MDM4: variants seen among roughly 807,000 people sequenced by gnomAD.
The protein encoded by MDM4 is MDM4 regulator of p53.
A neutral mutation model predicts 60.2 loss-of-function variants in MDM4; 2 were observed. The observed-to-expected ratio is 0.03, with a 90% CI of 0.01 to 0.10. The LOEUF is 0.10. MDM4 is among the 10% of genes least tolerant of loss of function. The probability of loss-of-function intolerance (pLI) is 1.00; values close to 1 mark genes in which losing one functional copy is unlikely to be tolerated. For missense variants in MDM4, 447 were observed against 577.5 expected (o/e 0.77, Z 2.32); for synonymous variants, 202 against 198.1 (o/e 1.02, Z -0.17).
intron 7 of MDM4, among the ~76,000 whole-genome samples, chr1:204,539,215 G>A (rs1661761095): frequency 6.6e-6 from 1 of 152,008 alleles, no homozygotes; most frequent in South Asian, 2.1e-4. Flanking sequence ...CGAACTACTG[G>A]CCTCAAATGG....
In MDM4 at chr1:204,553,532, C is replaced by G. The variant is rs544492945; in HGVS notation, c.*3850C>G. ...TGATATCTTGATTGTGAGGAAGGAT[C>G]TGTGTCATTGGAGCTTGTTTCTGCT... On this transcript the variant is annotated 3_prime_UTR_variant, in exon 11 of 11. Transcript: ENST00000367182. The G allele has an allele frequency of 5.3e-5, 12 of 227,104 alleles. No individual in the cohort carries two copies. The highest frequency in any genetic ancestry group is 1.8e-4 in the South Asian group (1 of 5,478). 14.1% of individuals were successfully genotyped at this position (227,104 alleles called of 1,614,324 possible). A position where few individuals can be genotyped will look rare whatever the true frequency, so the allele number is the denominator to read the frequency against.
intron 3 of MDM4, among the ~76,000 whole-genome samples, chr1:204,530,031 C>T (rs1043881267): frequency 1.3e-5 from 2 of 152,104 alleles, no homozygotes; most frequent in Non-Finnish European, 2.9e-5. Flanking sequence ...CGTGCCTCAC[C>T]ACACCTGGCT....
rs1229133778 is a variant in MDM4, at chr1:204,555,158, C to CT, written c.*5491dup. On this transcript the variant is annotated 3_prime_UTR_variant, in exon 11 of 11. Coordinates refer to ENST00000367182, the MANE Select transcript of MDM4 (RefSeq NM_002393.5). ...GGACAGTTAGTAGAACTCTCCATTTCTTTTTTTTTTTTTTTAGACGGAGTC... is the reference window on the plus strand; with the variant it reads ...GGACAGTTAGTAGAACTCTCCATTTCTTTTTTTTTTTTTTTTAGACGGAGTC... 2,107 of 167,792 alleles carry CT rather than the reference C, an allele frequency of 0.013. No homozygotes were observed. Among genetic ancestry groups the CT allele is most frequent in the East Asian group, 0.034 (353 of 10,248 alleles). The allele number at this position is 167,792 out of a possible 1,614,324, so 10.4% of individuals were successfully genotyped here. A position where few individuals can be genotyped will look rare whatever the true frequency, so the allele number is the denominator to read the frequency against.
intron 1 of MDM4, among the ~76,000 whole-genome samples, chr1:204,518,080 CAGGAGGT>C (rs1659177860): frequency 6.6e-6 from 1 of 152,104 alleles, no homozygotes; most frequent in Non-Finnish European, 1.5e-5. Flanking sequence ...TGCTTGATCC[CAGGAGGT>C]AAAGGCTGCA....
In MDM4 at chr1:204,551,851, G is replaced by C. The variant is rs761517485; in HGVS notation, c.*2169G>C. 2 of 211,608 alleles carry C rather than the reference G, an allele frequency of 9.5e-6. No homozygotes were observed. Among genetic ancestry groups the C allele is most frequent in the Non-Finnish European group, 1.9e-5 (2 of 104,650 alleles). 13.1% of individuals were successfully genotyped at this position (211,608 alleles called of 1,614,324 possible). On this transcript the variant is annotated 3_prime_UTR_variant, in exon 11 of 11. Coordinates refer to ENST00000367182, the MANE Select transcript of MDM4 (RefSeq NM_002393.5). Reference sequence around the variant, plus strand: ...GGAATCTCTATGCAAGTTTTATACAGAACATACTTTTGGAATCCTTGCCCT... The same window carrying C: ...GGAATCTCTATGCAAGTTTTATACACAACATACTTTTGGAATCCTTGCCCT...
At chr1:204,543,331 A>G (rs1280636865) in intron 8 of MDM4, among the ~76,000 whole-genome samples, 10 of 152,110 alleles carry the variant, frequency 6.6e-5, no homozygotes, top group Non-Finnish European at 1.3e-4. Flanking sequence ...CATAGACACC[A>G]TTTTTACAAA....
At chr1:204,543,032 A>G (rs1173668639) in intron 8 of MDM4, 88 bp downstream of exon 8, 1 of 1,141,640 alleles carries the variant, frequency 8.8e-7, no homozygotes, top group East Asian at 2.4e-5. Context: ...TATATTCTCT[A>G]AGAATTCTTA....
intron 9 of MDM4, 75 bp from the exon 10 acceptor site, chr1:204,546,722 T>G: frequency 1.1e-6 from 1 of 919,348 alleles, no homozygotes; most frequent in Admixed American, 2.0e-5. Context: ...GAAGCAGTTG[T>G]CTTTTTTGCT....
chr1:204,554,897 C>A lies in MDM4; in HGVS notation c.*5215C>A. On this transcript the variant is annotated 3_prime_UTR_variant, in exon 11 of 11. Coordinates refer to ENST00000367182, the MANE Select transcript of MDM4 (RefSeq NM_002393.5). ...GCACTAATGCCATTATTGGTAATGC[C>A]GTTATTGGTGAATACAGCATAGTTA... 4.5e-6 allele frequency: 1 copy of A among 224,006 alleles called. No individual in the cohort carries two copies. Among genetic ancestry groups the A allele is most frequent in the Non-Finnish European group, 8.9e-6 (1 of 112,390 alleles). 13.9% of individuals were successfully genotyped at this position (224,006 alleles called of 1,614,324 possible).
At chr1:204,544,999 G>A (rs1323493489) in intron 9 of MDM4, among the ~76,000 whole-genome samples, 1 of 152,176 alleles carries the variant, frequency 6.6e-6, no homozygotes, top group East Asian at 1.9e-4. Flanking sequence ...TGGACCACAT[G>A]CGGCCCAGAA....
At position 204,532,710 on chromosome 1, in the gene MDM4, T is replaced by G. The variant is rs1331488013; in HGVS notation, c.343+464T>G. On this transcript the variant is annotated intron_variant, in intron 5 of 10. Transcript: ENST00000367182. ...GCCTTTGGTTGATATGTCTCATAAGTGTCTTTAATCTATAAAACTTAACTT... is the reference window on the plus strand; with the variant it reads ...GCCTTTGGTTGATATGTCTCATAAGGGTCTTTAATCTATAAAACTTAACTT... The G allele has an allele frequency of 2.3e-5, 36 of 1,570,356 alleles. 1 individual carries two copies. The South Asian group carries it at 4.0e-4, about 17-fold the overall frequency.
rs1486309409 is a variant in MDM4, at chr1:204,551,894, C to T, written c.*2212C>T. ...CTTGCCCTAGACAGGGGTGTCCAAT[C>T]TTTTGGCTTCCCTGGTCCACAATGG... On this transcript the variant is annotated 3_prime_UTR_variant, in exon 11 of 11. Coordinates refer to ENST00000367182, the MANE Select transcript of MDM4 (RefSeq NM_002393.5). 5.2e-6 allele frequency: 1 copy of T among 191,768 alleles called. No individual in the cohort carries two copies. Among genetic ancestry groups the T allele is most frequent in the East Asian group, 8.2e-5 (1 of 12,188 alleles). 11.9% of individuals were successfully genotyped at this position (191,768 alleles called of 1,614,324 possible). A position where few individuals can be genotyped will look rare whatever the true frequency, so the allele number is the denominator to read the frequency against.
Position 204,533,419 on chromosome 1 carries a change from C to G in MDM4, c.343+1173C>G, listed in dbSNP as rs1558321008. On this transcript the variant is annotated intron_variant, in intron 5 of 10. Transcript: ENST00000367182. ...TTGCCCAGGCTGGAGTGCAGTGGCA[C>G]TATCTCAGCTCACTGCAGCCTGGAC... Among the ~76,000 whole-genome samples the G allele has an allele frequency of 3.3e-5, 5 of 152,018 alleles. No individual in the cohort carries two copies. In the South Asian group the frequency reaches 1.0e-3, roughly 32 times the overall value.
Position 204,557,087 on chromosome 1 carries a change from A to G in MDM4, c.*7405A>G, listed in dbSNP as rs1663582754. On this transcript the variant is annotated 3_prime_UTR_variant, in exon 11 of 11. Transcript: ENST00000367182. ...TGTAGGGATTAAATCCGGGAGAGCA[A>G]TTCTGAAGCCTATAAATTTCCTTGA... 5.0e-6 allele frequency: 1 copy of G among 198,468 alleles called. No homozygotes were observed. The highest frequency in any genetic ancestry group is 1.0e-5 in the Non-Finnish European group (1 of 95,888). 12.3% of individuals were successfully genotyped at this position (198,468 alleles called of 1,614,324 possible). A position where few individuals can be genotyped will look rare whatever the true frequency, so the allele number is the denominator to read the frequency against.
chr1:204,520,763 A>G (rs1659494993), intron 1 of MDM4, among the ~76,000 whole-genome samples: 1 of 152,100 alleles, frequency 6.6e-6, no homozygotes, highest in African/African-American at 2.4e-5. Flanking sequence ...GTAGTCCCAG[A>G]TAATCAGGAG....
intron 7 of MDM4, among the ~76,000 whole-genome samples, chr1:204,540,177 C>T (rs12047467): frequency 0.38 from 57,480 of 151,328 alleles, 12,962 homozygotes; most frequent in Non-Finnish European, 0.48. Flanking sequence ...CCCAGCTACC[C>T]GGGAGGCTGA....
rs1365997914 is a variant in MDM4, at chr1:204,555,323, T to A, written c.*5641T>A. 1 of 164,038 alleles carries A rather than the reference T, an allele frequency of 6.1e-6. No homozygotes were observed. Among genetic ancestry groups the A allele is most frequent in the African/African-American group, 2.4e-5 (1 of 41,688 alleles). 10.2% of individuals were successfully genotyped at this position (164,038 alleles called of 1,614,324 possible). A position where few individuals can be genotyped will look rare whatever the true frequency, so the allele number is the denominator to read the frequency against. ...GCGCCCGCCACCACGCCTGGCTAAT[T>A]TTTGTATTTTTATTGGAGACGGGGT... On this transcript the variant is annotated 3_prime_UTR_variant, in exon 11 of 11. Coordinates refer to ENST00000367182, the MANE Select transcript of MDM4 (RefSeq NM_002393.5).
chr1:204,532,140 C>A, intron 4 of MDM4, 51 bp from the exon 5 acceptor site: 1 of 1,086,368 alleles, frequency 9.2e-7, no homozygotes, highest in Non-Finnish European at 1.4e-6. Context: ...CCACTGATAT[C>A]TTCATAGTGG....
At chr1:204,539,149 G>A (rs1661750818) in intron 7 of MDM4, among the ~76,000 whole-genome samples, 1 of 152,062 alleles carries the variant, frequency 6.6e-6, no homozygotes, top group Non-Finnish European at 1.5e-5. Context: ...GATTACAGGT[G>A]CATGCCACTA....
Sources: gnomAD v4.1 joint callset for allele counts (sites outside exome capture counted in the v4.1 genomes callset) on GRCh38, gnomAD v4.1.1 for gene constraint, MANE v1.5 for transcripts, NCBI Gene and HGNC (gene_info 2026-07-23, HGNC 2026-07-21) for gene names.